The following MCL1 variants were observed in gnomAD, a reference collection of about 807,000 sequenced individuals.
MCL1 encodes MCL1 apoptosis regulator, BCL2 family member, also known as induced myeloid leukemia cell differentiation protein Mcl-1.
Under a neutral mutation model 24.2 loss-of-function variants are expected in MCL1, and 4 were observed. The observed-to-expected ratio is 0.17, with a 90% CI of 0.08 to 0.38. MCL1 has a LOEUF of 0.38. Ranked by LOEUF, MCL1 falls within the 10% of genes least tolerant of loss-of-function variation. MCL1 has a pLI of 1.00. For missense variants in MCL1, 529 were observed against 480.3 expected (o/e 1.10, Z -0.95); for synonymous variants, 248 against 214.0 (o/e 1.16, Z -1.39).
chr1:150,578,379 G>A lies in MCL1; in HGVS notation c.801C>T (p.Leu267=), dbSNP rs780241353. The A allele has an allele frequency of 4.3e-6, 7 of 1,614,222 alleles. No homozygotes were observed. The South Asian group carries it at 6.6e-5, about 15-fold the overall frequency. The change falls in exon 2 of 3, where the codon CTC becomes CTT. Residue 267 remains leucine, a synonymous_variant. Transcript: ENST00000369026. ...GVTNWGRIVT[L]ISFGAFVAKH... Reference sequence around the variant, plus strand: ...TAGCCACAAAGGCACCAAAAGAAATGAGAGTCACAATCCTGCCCCAGTTTG... The same window carrying A: ...TAGCCACAAAGGCACCAAAAGAAATAAGAGTCACAATCCTGCCCCAGTTTG...
At position 150,579,574 on chromosome 1, in the gene MCL1, C is replaced by G. The variant is rs754200797; in HGVS notation, c.-44G>C. The G allele has an allele frequency of 1.3e-6, 2 of 1,556,338 alleles. No homozygotes were observed. The highest frequency in any genetic ancestry group is 2.8e-5 in the African/African-American group (2 of 71,278). ...CCTGGCTGAGAAAACTGGGGAAGAC[C>G]CCGACTCCTTACTGGAAGGAAGCGG... is the stretch of plus-strand genomic sequence containing the variant. On this transcript the variant is annotated 5_prime_UTR_variant, in exon 1 of 3. Transcript: ENST00000369026.
Position 150,579,360 on chromosome 1 carries a change from A to G in MCL1, c.171T>C (p.Ile57=), listed in dbSNP as rs758996875. The G allele has an allele frequency of 1.3e-6, 2 of 1,484,634 alleles. No homozygotes were observed. Among genetic ancestry groups the G allele is most frequent in the African/African-American group, 1.5e-5 (1 of 67,638 alleles). 92.0% of individuals were successfully genotyped at this position (1,484,634 alleles called of 1,614,324 possible). A position where few individuals can be genotyped will look rare whatever the true frequency, so the allele number is the denominator to read the frequency against. ...GGGGGCTTGCGCCGGCGCTTCCGCC[A>G]ATCACCGCGCCGGCCTCCCCTCCCC... ...EIGGGEAGAV[I]GGSAGASPPS... is the part of the protein sequence containing the mutation. Residue 57 remains isoleucine, a synonymous_variant, in exon 1 of 3, where the codon ATT becomes ATC. Coordinates refer to ENST00000369026, the MANE Select transcript of MCL1 (RefSeq NM_021960.5).
Position 150,578,504 on chromosome 1 carries a change from A to G in MCL1, c.689-13T>C, listed in dbSNP as rs1647912169. ...TTCCGAAGCATGCCTGAGAAAGAAAAGCATGCAGGTCCTCACGGCCTCCTT... is the reference window on the plus strand; with the variant it reads ...TTCCGAAGCATGCCTGAGAAAGAAAGGCATGCAGGTCCTCACGGCCTCCTT... On this transcript the variant is annotated splice_polypyrimidine_tract_variant and intron_variant, in intron 1 of 2. Coordinates refer to ENST00000369026, the MANE Select transcript of MCL1 (RefSeq NM_021960.5). The G allele has an allele frequency of 6.2e-7, 1 of 1,613,596 alleles. No homozygotes were observed. The highest frequency in any genetic ancestry group is 8.5e-7 in the Non-Finnish European group (1 of 1,179,732).
chr1:150,574,771 A>C lies in MCL1; in HGVS notation c.*2604T>G, dbSNP rs11850. 4.3e-6 allele frequency: 1 copy of C among 233,100 alleles called. No individual in the cohort carries two copies. The highest frequency in any genetic ancestry group is 1.8e-4 in the South Asian group (1 of 5,534). The allele number at this position is 233,100 out of a possible 1,614,324, so 14.4% of individuals were successfully genotyped here. ...GCATGTTTTTCCCTGAGAGAAGCGTAAGACAAACAGAAGTCAAAAAGTAGT... is the reference window on the plus strand; with the variant it reads ...GCATGTTTTTCCCTGAGAGAAGCGTCAGACAAACAGAAGTCAAAAAGTAGT... On this transcript the variant is annotated 3_prime_UTR_variant, in exon 3 of 3. Transcript: ENST00000369026.
At position 150,575,701 on chromosome 1, in the gene MCL1, T is replaced by C. The variant is rs906932161; in HGVS notation, c.*1674A>G. On this transcript the variant is annotated 3_prime_UTR_variant, in exon 3 of 3. Coordinates refer to ENST00000369026, the MANE Select transcript of MCL1 (RefSeq NM_021960.5). ...AAGTTCGTGAAAGATGAAAGGTCTG[T>C]GGACTCTTGGTGGGGAGGGAGGGTC... 4.3e-6 allele frequency: 1 copy of C among 233,204 alleles called. No homozygotes were observed. Among genetic ancestry groups the C allele is most frequent in the Admixed American group, 5.6e-5 (1 of 17,796 alleles). The allele number at this position is 233,204 out of a possible 1,614,324, so 14.4% of individuals were successfully genotyped here. A position where few individuals can be genotyped will look rare whatever the true frequency, so the allele number is the denominator to read the frequency against.
rs1057434930 is a variant in MCL1 at position 150,577,009 on chromosome 1, C to T, written c.*366G>A. On this transcript the variant is annotated 3_prime_UTR_variant, in exon 3 of 3. Transcript: ENST00000369026. ...TAACACTACAGTAAATTAATGAATT[C>T]GGCGGGTAATCAATTCTATGACTTG... 1.0e-5 allele frequency: 3 copies of T among 287,688 alleles called. No homozygotes were observed. Among genetic ancestry groups the T allele is most frequent in the East Asian group, 5.3e-5 (1 of 18,858 alleles). 17.8% of individuals were successfully genotyped at this position (287,688 alleles called of 1,614,324 possible). A position where few individuals can be genotyped will look rare whatever the true frequency, so the allele number is the denominator to read the frequency against.
At position 150,575,784 on chromosome 1, in the gene MCL1, T is replaced by C. The variant is rs990144063; in HGVS notation, c.*1591A>G. 4.3e-6 allele frequency: 1 copy of C among 233,064 alleles called. No individual in the cohort carries two copies. The allele number at this position is 233,064 out of a possible 1,614,324, so 14.4% of individuals were successfully genotyped here. ...AAAATCTAAAAGGGCTAGAAAGAGT[T>C]CAGGGATGGCAGGGGAAAGCTGTAG... On this transcript the variant is annotated 3_prime_UTR_variant, in exon 3 of 3. Transcript: ENST00000369026.
At position 150,575,004 on chromosome 1, in the gene MCL1, T is replaced by C. The variant is rs35150036; in HGVS notation, c.*2371A>G. 2.9e-3 allele frequency: 681 copies of C among 233,286 alleles called. 4 individuals carry two copies. The highest frequency in any genetic ancestry group is 0.013 in the African/African-American group (589 of 45,430). 14.5% of individuals were successfully genotyped at this position (233,286 alleles called of 1,614,324 possible). A position where few individuals can be genotyped will look rare whatever the true frequency, so the allele number is the denominator to read the frequency against. ...TATCAACTAAGATCCTTGTCTGTAT[T>C]TCCACAGTCATACCTAATGAATTGG... is the stretch of plus-strand genomic sequence containing the variant. On this transcript the variant is annotated 3_prime_UTR_variant, in exon 3 of 3. Transcript: ENST00000369026.
chr1:150,576,998 AT>A lies in MCL1; in HGVS notation c.*376del. 3.5e-6 allele frequency: 1 copy of A among 288,436 alleles called. No individual in the cohort carries two copies. 17.9% of individuals were successfully genotyped at this position (288,436 alleles called of 1,614,324 possible). A position where few individuals can be genotyped will look rare whatever the true frequency, so the allele number is the denominator to read the frequency against. ...AGTGCTTCTCTTAACACTACAGTAAATTAATGAATTCGGCGGGTAATCAATT... is the reference window on the plus strand; with the variant it reads ...AGTGCTTCTCTTAACACTACAGTAAATAATGAATTCGGCGGGTAATCAATT... On this transcript the variant is annotated 3_prime_UTR_variant, in exon 3 of 3. Coordinates refer to ENST00000369026, the MANE Select transcript of MCL1 (RefSeq NM_021960.5).
In MCL1 at chr1:150,579,372, G is replaced by A. The variant is rs1282835174; in HGVS notation, c.159C>T (p.Ala53=). 14 of 1,499,752 alleles carry A rather than the reference G, an allele frequency of 9.3e-6. No homozygotes were observed. The highest frequency in any genetic ancestry group is 2.6e-5 in the South Asian group (2 of 76,414). 92.9% of individuals were successfully genotyped at this position (1,499,752 alleles called of 1,614,324 possible). The part of the protein sequence containing the change: ...SARREIGGGE[A]GAVIGGSAGA... ...CGGCGCTTCCGCCAATCACCGCGCC[G>A]GCCTCCCCTCCCCCTATCTCTCGCC... The change falls in exon 1 of 3, where the codon GCC becomes GCT. Residue 53 remains alanine, a synonymous_variant. Coordinates refer to ENST00000369026, the MANE Select transcript of MCL1 (RefSeq NM_021960.5).
chr1:150,578,141 C>T (rs1005269262), intron 2 of MCL1, 103 bp downstream of exon 2: 2 of 1,286,876 alleles, frequency 1.6e-6, no homozygotes, highest in Non-Finnish European at 2.2e-6. Context: ...AGCCTGCAAA[C>T]AGCCGTGCGT....
At position 150,576,304 on chromosome 1, in the gene MCL1, C is replaced by A. The variant is rs1353122681; in HGVS notation, c.*1071G>T. 2 of 232,940 alleles carry A rather than the reference C, an allele frequency of 8.6e-6. No individual in the cohort carries two copies. Among genetic ancestry groups the A allele is most frequent in the African/African-American group, 2.2e-5 (1 of 45,318 alleles). 14.4% of individuals were successfully genotyped at this position (232,940 alleles called of 1,614,324 possible). A position where few individuals can be genotyped will look rare whatever the true frequency, so the allele number is the denominator to read the frequency against. On this transcript the variant is annotated 3_prime_UTR_variant, in exon 3 of 3. Coordinates refer to ENST00000369026, the MANE Select transcript of MCL1 (RefSeq NM_021960.5). ...TCAGAGCCCATTATTTGTAAGTCAT[C>A]AGTAACCTTAAAACTCCACTTAGAC...
rs587773044 is a variant in MCL1, at chr1:150,578,278, G to C, written c.902C>G (p.Thr301Arg). 6.2e-7 allele frequency: 1 copy of C among 1,614,060 alleles called. No individual in the cohort carries two copies. The highest frequency in any genetic ancestry group is 1.1e-5 in the South Asian group (1 of 91,078). The stretch of plus-strand genomic sequence containing the variant: ...TTGTTTAACTAGCCAGTCCCGTTTT[G>C]TCCTTACGAGAACGTCTGTGATACT... ...AESITDVLVR[T>R]KRDWLVKQRG... Residue 301 changes from threonine (T) to arginine (R), a missense_variant, in exon 2 of 3, where the codon ACA (threonine) becomes AGA (arginine). Coordinates refer to ENST00000369026, the MANE Select transcript of MCL1 (RefSeq NM_021960.5).
intron 2 of MCL1, among the ~76,000 whole-genome samples, 156 bp downstream of exon 2, chr1:150,578,088 A>G (rs921250162): frequency 6.6e-6 from 1 of 152,224 alleles, no homozygotes; most frequent in Non-Finnish European, 1.5e-5. Context: ...CTAAGGATCC[A>G]CTACTTAAAT....
In MCL1 at chr1:150,574,704, G is replaced by C; in HGVS notation, c.*2671C>G. On this transcript the variant is annotated 3_prime_UTR_variant, in exon 3 of 3. Coordinates refer to ENST00000369026, the MANE Select transcript of MCL1 (RefSeq NM_021960.5). ...GTACAGCTGTTTAACCAGAACCAAGGTGTTCACCCCCCACAGAATGTACAT... is the reference window on the plus strand; with the variant it reads ...GTACAGCTGTTTAACCAGAACCAAGCTGTTCACCCCCCACAGAATGTACAT... 4.3e-6 allele frequency: 1 copy of C among 233,246 alleles called. No individual in the cohort carries two copies. Among genetic ancestry groups the C allele is most frequent in the Non-Finnish European group, 8.5e-6 (1 of 117,800 alleles). The allele number at this position is 233,246 out of a possible 1,614,324, so 14.4% of individuals were successfully genotyped here.
intron 2 of MCL1, among the ~76,000 whole-genome samples, chr1:150,577,941 T>A (rs1647882955): frequency 6.6e-6 from 1 of 152,196 alleles, no homozygotes. Flanking sequence ...TTAGGAATTA[T>A]TTCAGCTATC....
At position 150,579,207 on chromosome 1, in the gene MCL1, A is replaced by C. The variant is rs1647966603; in HGVS notation, c.324T>G (p.Leu108=). ...FFAPTRRAAP[L]EEMEAPAADA... is the part of the protein sequence containing the mutation. ...CAGCGGCCGGGGCTTCCATCTCCTC[A>C]AGCGGCGCCGCGCGGCGGGTGGGCG... The change falls in exon 1 of 3, where the codon CTT becomes CTG. Residue 108 remains leucine, a synonymous_variant. Transcript: ENST00000369026. The C allele has an allele frequency of 6.3e-7, 1 of 1,584,402 alleles. No individual in the cohort carries two copies.
In MCL1 at chr1:150,578,278, G is replaced by A. The variant is rs587773044; in HGVS notation, c.902C>T (p.Thr301Ile). 6.2e-7 allele frequency: 1 copy of A among 1,614,060 alleles called. No individual in the cohort carries two copies. Among genetic ancestry groups the A allele is most frequent in the Non-Finnish European group, 8.5e-7 (1 of 1,180,010 alleles). Reference protein sequence around the residue: ...AESITDVLVRTKRDWLVKQRG... With the variant: ...AESITDVLVRIKRDWLVKQRG... ...TTGTTTAACTAGCCAGTCCCGTTTT[G>A]TCCTTACGAGAACGTCTGTGATACT... is the stretch of plus-strand genomic sequence containing the variant. Residue 301 changes from threonine to isoleucine, a missense_variant, in exon 2 of 3, where the codon ACA (threonine) becomes ATA (isoleucine). Physicochemically the swap from Thr to Ile is moderately conservative, Grantham distance 89. Coordinates refer to ENST00000369026, the MANE Select transcript of MCL1 (RefSeq NM_021960.5).
At chr1:150,578,182 T>A in intron 2 of MCL1, 62 bp downstream of exon 2, 15 of 1,560,542 alleles carry the variant, frequency 9.6e-6, no homozygotes, top group Non-Finnish European at 1.2e-5. Flanking sequence ...CCCACCTCTC[T>A]AAAAAAAATC....
Sources: gnomAD v4.1 joint callset for allele counts (sites outside exome capture counted in the v4.1 genomes callset) on GRCh38, gnomAD v4.1.1 for gene constraint, MANE v1.5 for transcripts, NCBI Gene and HGNC (gene_info 2026-07-23, HGNC 2026-07-21) for gene names.